Variants in PTK2 observed in about 807,000 individuals in gnomAD.
PTK2 encodes the protein protein tyrosine kinase 2, also known as focal adhesion kinase 1.
Under a neutral mutation model 150.1 loss-of-function variants are expected in PTK2, and 45 were observed. The observed-to-expected ratio is 0.30, with a 90% CI of 0.24 to 0.38. The LOEUF (loss-of-function observed/expected upper bound fraction) is 0.38. PTK2 is among the 10% of genes least tolerant of loss of function. The pLI is 1.00. For missense variants in PTK2, 919 were observed against 1,307.3 expected, an observed-to-expected ratio of 0.70 and a Z score of 4.58; for synonymous variants, 432 against 449.2, an observed-to-expected ratio of 0.96 and a Z score of 0.48.
At position 140,812,820 on chromosome 8, in the gene PTK2, G is replaced by A. The variant is rs1414653550; in HGVS notation, c.867+5457C>T. 3.3e-5 allele frequency among the ~76,000 whole-genome samples: 5 copies of A among 152,078 alleles called. No individual in the cohort carries two copies. The East Asian group carries it at 7.7e-4, about 23-fold the overall frequency. On this transcript the variant is annotated intron_variant, in intron 10 of 31. Coordinates refer to ENST00000522684, the Ensembl canonical transcript of PTK2. ...ATAATGGTAAAGGGTTCAATCCAAC[G>A]AGAAGGCCTAACTATCCTAAATATA...
At chr8:140,739,753 G>A (rs574094796) in intron 20 of PTK2, among the ~76,000 whole-genome samples, 5 of 152,224 alleles carry the variant, frequency 3.3e-5, no homozygotes, top group African/African-American at 9.6e-5. Context: ...AACCACCAGA[G>A]CCTGAGCTGC....
chr8:140,810,188 C>T (rs2100100602), intron 10 of PTK2, among the ~76,000 whole-genome samples: 1 of 152,196 alleles, frequency 6.6e-6, no homozygotes, highest in African/African-American at 2.4e-5. Flanking sequence ...CTTGAGGTGG[C>T]AGGGAGAGCT....
intron 27 of PTK2, among the ~76,000 whole-genome samples, chr8:140,682,015 C>T (rs1276188360): frequency 6.6e-6 from 1 of 152,120 alleles, no homozygotes. Flanking sequence ...TAATCATAAG[C>T]TAGTTCTTTA....
chr8:140,838,338 C>T (rs2100120068), intron 7 of PTK2, among the ~76,000 whole-genome samples: 1 of 152,202 alleles, frequency 6.6e-6, no homozygotes, highest in Non-Finnish European at 1.5e-5. Flanking sequence ...TGCCAACACA[C>T]TCCTTGAGAG....
intron 8 of PTK2, among the ~76,000 whole-genome samples, chr8:140,823,259 C>G (rs1318929838): frequency 6.6e-6 from 1 of 152,090 alleles, no homozygotes; most frequent in African/African-American, 2.4e-5. Context: ...TACTGACATG[C>G]AGTGATCAAA....
chr8:140,946,005 GTT>G (rs1411693680), intron 1 of PTK2, among the ~76,000 whole-genome samples: 15 of 152,010 alleles, frequency 9.9e-5, no homozygotes, highest in African/African-American at 3.4e-4. Context: ...GGTACCACAG[GTT>G]TCTCCACCCT....
At chr8:140,891,854 C>T (rs952284436) in intron 2 of PTK2, among the ~76,000 whole-genome samples, 2 of 152,208 alleles carry the variant, frequency 1.3e-5, no homozygotes, top group Non-Finnish European at 2.9e-5. Flanking sequence ...GCAGTGAGAA[C>T]AGCTGGGTGC....
At chr8:140,918,955 A>AT (rs2100166361) in intron 2 of PTK2, among the ~76,000 whole-genome samples, 1 of 152,220 alleles carries the variant, frequency 6.6e-6, no homozygotes, top group Non-Finnish European at 1.5e-5. Context: ...ATTAACCAGC[A>AT]TAACAACAAG....
chr8:140,670,003 TG>T, intron 29 of PTK2: 1 of 455,870 alleles, frequency 2.2e-6, no homozygotes, highest in Non-Finnish European at 3.9e-6. Flanking sequence ...GCAGGGAACA[TG>T]CAAAGCCCGA....
At chr8:140,813,096 A>C (rs1027984999) in intron 10 of PTK2, among the ~76,000 whole-genome samples, 3 of 152,224 alleles carry the variant, frequency 2.0e-5, no homozygotes, top group Non-Finnish European at 4.4e-5. Context: ...TCATCACCAT[A>C]CGGCACATAC....
rs1291178139 is a variant in PTK2 at position 140,695,145 on chromosome 8, T to G, written c.2499+5746A>C. Among the ~76,000 whole-genome samples the G allele has an allele frequency of 4.6e-5, 7 of 152,244 alleles. No homozygotes were observed. The East Asian group carries it at 9.6e-4, about 21-fold the overall frequency. ...GACATGGACTCCTCATTCTGAATTT[T>G]ATTTCATTTGGTAGCACAATGTTAT... On this transcript the variant is annotated intron_variant, in intron 26 of 31. Coordinates refer to ENST00000522684, the Ensembl canonical transcript of PTK2.
chr8:140,883,785 T>C (rs1248470328), intron 3 of PTK2, among the ~76,000 whole-genome samples: 1 of 152,022 alleles, frequency 6.6e-6, no homozygotes, highest in African/African-American at 2.4e-5. Flanking sequence ...GTCACTGTAT[T>C]AGTTCCCTAT....
chr8:140,722,971 G>A (rs371334889), intron 22 of PTK2, among the ~76,000 whole-genome samples: 1 of 152,292 alleles, frequency 6.6e-6, no homozygotes, highest in East Asian at 1.9e-4. Context: ...ATTGTTTTGT[G>A]AAATGGGCCA....
At chr8:140,850,797 T>A (rs913110158) in intron 5 of PTK2, among the ~76,000 whole-genome samples, 14 of 152,188 alleles carry the variant, frequency 9.2e-5, no homozygotes, top group Non-Finnish European at 1.9e-4. Context: ...ATTGTATTTG[T>A]ATCAAGGAGT....
In PTK2 at chr8:140,953,466, T is replaced by G. The variant is rs111900254; in HGVS notation, c.-121-27717A>C. On this transcript the variant is annotated intron_variant, in intron 1 of 31. Transcript: ENST00000522684. ...TGACCTAACTCAGATGGCTACTAAG[T>G]GACTAACAGGCGGGCAGCATACACA... 5.6e-3 allele frequency among the ~76,000 whole-genome samples: 858 copies of G among 152,246 alleles called. 10 individuals carry two copies. Among genetic ancestry groups the G allele is most frequent in the African/African-American group, 0.019 (785 of 41,530 alleles).
At chr8:140,659,806 C>A in intron 31 of PTK2, 128 bp from the exon 36 acceptor site, 4 of 792,586 alleles carry the variant, frequency 5.0e-6, no homozygotes, top group Non-Finnish European at 7.9e-6. Context: ...CTTCCTGCCT[C>A]AGCCTTCCCA....
chr8:140,722,379 C>T (rs373641918), intron 22 of PTK2, among the ~76,000 whole-genome samples: 7 of 152,128 alleles, frequency 4.6e-5, no homozygotes, highest in African/African-American at 9.7e-5. Context: ...CTCAGCCCTC[C>T]GAGTAGCTGG....
chr8:140,732,457 T>C (rs2100050024), intron 22 of PTK2: 3 of 449,978 alleles, frequency 6.7e-6, no homozygotes. Flanking sequence ...GGAGCATTCC[T>C]TAGTATTAAG....
chr8:140,811,101 C>T (rs745479202), intron 10 of PTK2, among the ~76,000 whole-genome samples: 3 of 152,224 alleles, frequency 2.0e-5, no homozygotes, highest in Non-Finnish European at 4.4e-5. Context: ...GAAACAAGGG[C>T]GGATCCTATG....
Sources: gnomAD v4.1 joint callset for allele counts (sites outside exome capture counted in the v4.1 genomes callset) on GRCh38, gnomAD v4.1.1 for gene constraint, MANE v1.5 for transcripts, NCBI Gene and HGNC (gene_info 2026-07-23, HGNC 2026-07-21) for gene names.